TMTC1: variants seen among roughly 807,000 people sequenced by gnomAD.
TMTC1 encodes protein O-mannosyl-transferase TMTC1.
A neutral mutation model predicts 104.8 loss-of-function variants in TMTC1; 73 were observed. That is an observed-to-expected ratio of 0.70 (90% CI 0.58 to 0.85). The LOEUF (loss-of-function observed/expected upper bound fraction) is 0.85. Ranked by LOEUF, TMTC1 falls within the 40% of genes least tolerant of loss-of-function variation. The probability of loss-of-function intolerance (pLI) is 0.00; values close to 1 mark genes in which losing one functional copy is unlikely to be tolerated. For missense variants in TMTC1, 1,035 were observed against 1,096.1 expected (o/e 0.94, Z 0.79); for synonymous variants, 434 against 428.7 (o/e 1.01, Z -0.15).
intron 5 of TMTC1, among the ~76,000 whole-genome samples, chr12:29,741,025 T>C (rs988849612): frequency 6.6e-6 from 1 of 152,210 alleles, no homozygotes; most frequent in Non-Finnish European, 1.5e-5. Context: ...CCTAAGACAT[T>C]TGTATATAGA....
chr12:29,531,128 C>A (rs893161834), intron 11 of TMTC1, among the ~76,000 whole-genome samples: 1 of 152,156 alleles, frequency 6.6e-6, no homozygotes, highest in African/African-American at 2.4e-5. Context: ...ATGAGGGTAA[C>A]CACATACATA....
intron 10 of TMTC1, among the ~76,000 whole-genome samples, chr12:29,554,543 C>T (rs1381483924): frequency 2.0e-5 from 3 of 152,082 alleles, no homozygotes; most frequent in African/African-American, 7.2e-5. Flanking sequence ...GTAGACTTAA[C>T]GATAATTAAA....
chr12:29,636,962 G>A (rs905045288), intron 5 of TMTC1, among the ~76,000 whole-genome samples: 1 of 151,948 alleles, frequency 6.6e-6, no homozygotes, highest in Non-Finnish European at 1.5e-5. Context: ...AGGCTGAGTT[G>A]AGAGGATGGA....
chr12:29,572,762 G>A (rs1945715594), intron 8 of TMTC1, among the ~76,000 whole-genome samples: 5 of 152,198 alleles, frequency 3.3e-5, no homozygotes, highest in Admixed American at 1.3e-4. Flanking sequence ...GAGAATTACA[G>A]CATTGGGCCA....
intron 6 of TMTC1, among the ~76,000 whole-genome samples, chr12:29,632,136 A>G (rs1172728327): frequency 6.6e-6 from 1 of 152,104 alleles, no homozygotes; most frequent in Non-Finnish European, 1.5e-5. Flanking sequence ...TCTTTCCCAA[A>G]CCAAATTTTT....
chr12:29,538,889 G>A (rs1011178754), intron 10 of TMTC1, among the ~76,000 whole-genome samples: 8 of 152,106 alleles, frequency 5.3e-5, no homozygotes, highest in African/African-American at 1.9e-4. Context: ...TTTCTTTTTG[G>A]CTGTGTACTC....
At chr12:29,618,429 C>A (rs965156358) in intron 6 of TMTC1, among the ~76,000 whole-genome samples, 2 of 152,076 alleles carry the variant, frequency 1.3e-5, no homozygotes, top group African/African-American at 4.8e-5. Context: ...TTAATACTCA[C>A]CAATGTTTCT....
At chr12:29,706,971 C>T (rs1021572241) in intron 5 of TMTC1, among the ~76,000 whole-genome samples, 1 of 152,128 alleles carries the variant, frequency 6.6e-6, no homozygotes, top group Non-Finnish European at 1.5e-5. Flanking sequence ...ACGTATTCTC[C>T]CATAGGTGGA....
chr12:29,783,487 G>T lies in TMTC1; in HGVS notation c.265C>A (p.His89Asn). The part of the protein sequence containing the change: ...WGKGMAENTS[H>N]KSYRPLCVLT... ...ACGCAGAGCGGCCGGTAGGACTTGTGGCTGGTGTTCTCGGCCATGCCCTTG... is the reference window on the plus strand; with the variant it reads ...ACGCAGAGCGGCCGGTAGGACTTGTTGCTGGTGTTCTCGGCCATGCCCTTG... Residue 89 changes from histidine (H) to asparagine (N), a missense_variant, in exon 1 of 18, where the codon CAC (histidine) becomes AAC (asparagine). Physicochemically the swap from His to Asn is moderately conservative, Grantham distance 68. Coordinates refer to ENST00000539277, the MANE Select transcript of TMTC1 (RefSeq NM_001193451.2). The surrounding 1 kb of genome is among the most constrained non-coding windows in gnomAD (Gnocchi z 4.7). 1 of 1,384,044 alleles carries T rather than the reference G, an allele frequency of 7.2e-7. No individual in the cohort carries two copies. The allele number at this position is 1,384,044 out of a possible 1,614,324, so 85.7% of individuals were successfully genotyped here.
At chr12:29,720,865 A>C (rs934883441) in intron 5 of TMTC1, among the ~76,000 whole-genome samples, 1 of 152,196 alleles carries the variant, frequency 6.6e-6, no homozygotes, top group African/African-American at 2.4e-5. Flanking sequence ...TACCAACATG[A>C]AAATGCAGAT....
intron 6 of TMTC1, among the ~76,000 whole-genome samples, chr12:29,606,983 C>T (rs55717418): frequency 0.081 from 12,219 of 151,276 alleles, 578 homozygotes; most frequent in Middle Eastern, 0.2. Context: ...GCCCCCCCCC[C>T]TCACTCACGG....
intron 7 of TMTC1, among the ~76,000 whole-genome samples, chr12:29,591,817 A>T (rs1195534923): frequency 6.6e-6 from 1 of 152,360 alleles, no homozygotes; most frequent in South Asian, 2.1e-4. Flanking sequence ...AATGTTTTAA[A>T]TCTGTTGTTT....
chr12:29,585,989 G>C (rs2136338339), intron 7 of TMTC1, among the ~76,000 whole-genome samples: 1 of 152,216 alleles, frequency 6.6e-6, no homozygotes, highest in Middle Eastern at 3.4e-3. Context: ...GTCATTGGTA[G>C]CTTGATGGGG....
In TMTC1 at chr12:29,505,528, A is replaced by C. The variant is rs148224203; in HGVS notation, c.*1318T>G. 2 of 152,332 alleles carry C rather than the reference A, an allele frequency of 1.3e-5. No individual in the cohort carries two copies. The highest frequency in any genetic ancestry group is 4.8e-5 in the African/African-American group (2 of 41,588). 9.4% of individuals were successfully genotyped at this position (152,332 alleles called of 1,614,324 possible). A position where few individuals can be genotyped will look rare whatever the true frequency, so the allele number is the denominator to read the frequency against. On this transcript the variant is annotated 3_prime_UTR_variant, in exon 18 of 18. Coordinates refer to ENST00000539277, the MANE Select transcript of TMTC1 (RefSeq NM_001193451.2). ...TAACTATTTTACAATTTAGATTTAC[A>C]TTTTATAAGATCAGTTTTGAAAGCT... is the stretch of plus-strand genomic sequence containing the variant.
chr12:29,693,388 TC>T (rs2136764395), intron 5 of TMTC1, among the ~76,000 whole-genome samples: 1 of 142,088 alleles, frequency 7.0e-6, no homozygotes, highest in Non-Finnish European at 1.5e-5. Context: ...AATCCTCTCT[TC>T]TAGCTATTTG....
At chr12:29,540,401 A>T (rs940548310) in intron 10 of TMTC1, among the ~76,000 whole-genome samples, 1 of 152,226 alleles carries the variant, frequency 6.6e-6, no homozygotes, top group African/African-American at 2.4e-5. Flanking sequence ...TCCCAAATGA[A>T]TAGAAAACTA....
At chr12:29,776,509 C>A (rs1331215167) in intron 1 of TMTC1, among the ~76,000 whole-genome samples, 1 of 152,144 alleles carries the variant, frequency 6.6e-6, no homozygotes, top group Non-Finnish European at 1.5e-5. Flanking sequence ...TTAGTATTTA[C>A]CTGAAAAATC....
intron 10 of TMTC1, among the ~76,000 whole-genome samples, chr12:29,538,491 C>T (rs1045870006): frequency 6.6e-6 from 1 of 151,744 alleles, no homozygotes; most frequent in South Asian, 2.1e-4. Context: ...AAATTAAGTC[C>T]CTTGGGATAT....
chr12:29,761,592 T>A (rs961164435), intron 2 of TMTC1, among the ~76,000 whole-genome samples: 2 of 151,398 alleles, frequency 1.3e-5, no homozygotes, highest in African/African-American at 4.9e-5. Flanking sequence ...GTTTTTTTTT[T>A]AATCCAAGAA....
Sources: gnomAD v4.1 joint callset for allele counts (sites outside exome capture counted in the v4.1 genomes callset) on GRCh38, gnomAD v4.1.1 for gene constraint, Gnocchi (gnomAD v3.1) non-coding constraint, MANE v1.5 for transcripts, NCBI Gene and HGNC (gene_info 2026-07-23, HGNC 2026-07-21) for gene names.